The following IRAG2 variants were observed in gnomAD, a reference collection of about 807,000 sequenced individuals.
IRAG2 encodes inositol 1,4,5-triphosphate receptor associated 2, also known as lymphoid restricted membrane protein.
IRAG2 carries 45 observed loss-of-function variants against 69.9 expected under a neutral mutation model. The ratio of observed to expected loss-of-function variants is 0.64; its 90% CI spans 0.51 to 0.83. The LOEUF (loss-of-function observed/expected upper bound fraction) is 0.83, where lower values mean the gene tolerates loss of function less well. Ranked by LOEUF, IRAG2 falls within the 40% of genes least tolerant of loss-of-function variation. The probability of loss-of-function intolerance (pLI) is 0.00; values close to 1 mark genes in which losing one functional copy is unlikely to be tolerated. For missense variants in IRAG2, 520 were observed against 587.0 expected (o/e 0.89, Z 1.18); for synonymous variants, 193 against 202.4 (o/e 0.95, Z 0.40).
chr12:25,044,892 G>C (rs957567649), intron 16 of IRAG2, among the ~76,000 whole-genome samples: 3 of 152,112 alleles, frequency 2.0e-5, no homozygotes, highest in African/African-American at 7.2e-5. Context: ...CAGCAGGCTT[G>C]AATGGCACTA....
At chr12:25,016,375 A>C (rs751327977) in intron 5 of IRAG2, among the ~76,000 whole-genome samples, 1 of 152,228 alleles carries the variant, frequency 6.6e-6, no homozygotes, top group Non-Finnish European at 1.5e-5. Flanking sequence ...TATACAAAAC[A>C]TTAGGAAAGA....
chr12:25,103,608 G>T, intron 17 of IRAG2: 1 of 488,280 alleles, frequency 2.0e-6, no homozygotes, highest in East Asian at 3.4e-5. Context: ...TTGTATATTT[G>T]TTAGATTGGC....
At chr12:25,088,412 T>C (rs1265658529) in intron 11 of IRAG2, among the ~76,000 whole-genome samples, 1 of 152,276 alleles carries the variant, frequency 6.6e-6, no homozygotes, top group African/African-American at 2.4e-5. Context: ...CGAATGTTGG[T>C]AGCAAATGCT....
At chr12:25,094,310 G>A (rs370422435) in intron 14 of IRAG2, among the ~76,000 whole-genome samples, 3 of 151,932 alleles carry the variant, frequency 2.0e-5, no homozygotes, top group East Asian at 1.9e-4. Context: ...TGTGGATATC[G>A]AGTTTTCTCA....
chr12:25,050,453 C>T (rs1251884679), upstream of IRAG2, among the ~76,000 whole-genome samples: 2 of 148,782 alleles, frequency 1.3e-5, no homozygotes, highest in African/African-American at 4.9e-5. Flanking sequence ...CGCTTCAACC[C>T]GGGAGCCAAA....
At chr12:25,080,959 A>G (rs151075671) in intron 9 of IRAG2, among the ~76,000 whole-genome samples, 2 of 152,314 alleles carry the variant, frequency 1.3e-5, no homozygotes, top group African/African-American at 4.8e-5. Context: ...CCTTTTATTC[A>G]CTGGGGCTAC....
upstream of IRAG2, among the ~76,000 whole-genome samples, chr12:25,002,649 C>T (rs696632): frequency 0.38 from 54,675 of 145,128 alleles, 11,408 homozygotes; most frequent in African/African-American, 0.57. Context: ...TTCTTCTTTT[C>T]TTTTTTTTTT....
At chr12:25,106,823 C>T in intron 20 of IRAG2, 120 bp from the exon 21 acceptor site, 1 of 390,332 alleles carries the variant, frequency 2.6e-6, no homozygotes, top group Non-Finnish European at 4.7e-6. Flanking sequence ...ATCGACTTTC[C>T]CTAAAACAGA....
intron 1 of IRAG2, among the ~76,000 whole-genome samples, chr12:25,060,523 A>G (rs1338315010): frequency 6.6e-6 from 1 of 152,078 alleles, no homozygotes; most frequent in East Asian, 1.9e-4. Context: ...AATCGTCTGC[A>G]CATCAGTGTT....
intron 4 of IRAG2, 61 bp downstream of exon 4, chr12:25,063,877 A>G: frequency 2.5e-6 from 1 of 398,924 alleles, no homozygotes; most frequent in African/African-American, 2.1e-5. Context: ...TTTGAAAGGG[A>G]AAATAACTAG....
rs772007665 is a variant in IRAG2, at chr12:25,108,013, T to C, written c.1453T>C (p.Leu485=). The change falls in exon 22 of 22, where the codon TTG becomes CTG. Residue 485 remains leucine (L), a synonymous_variant. Coordinates refer to ENST00000556887, the MANE Select transcript of IRAG2 (RefSeq NM_001366544.2). ...CTCATGGACGTCTCTAGAACATATC[T>C]TGTGGCCATTTACCAGACTCCGACA... is the stretch of plus-strand genomic sequence containing the variant. ...EDSWTSLEHI[L]WPFTRLRHNG... The C allele has an allele frequency of 5.6e-6, 9 of 1,614,074 alleles. No individual in the cohort carries two copies. The highest frequency in any genetic ancestry group is 2.7e-5 in the African/African-American group (2 of 74,946).
At chr12:25,007,236 A>C (rs969952050) in intron 2 of IRAG2, among the ~76,000 whole-genome samples, 3 of 152,220 alleles carry the variant, frequency 2.0e-5, no homozygotes, top group Non-Finnish European at 1.5e-5. Flanking sequence ...TTCATCCACA[A>C]ATATTTCAGT....
At chr12:25,106,870 T>A in intron 20 of IRAG2, 73 bp from the exon 21 acceptor site, 1 of 593,630 alleles carries the variant, frequency 1.7e-6, no homozygotes, top group Non-Finnish European at 2.7e-6. Flanking sequence ...ACAGTAAGAT[T>A]CAGCAATATT....
intron 3 of IRAG2, among the ~76,000 whole-genome samples, chr12:25,012,755 G>A (rs1004621733): frequency 2.0e-5 from 3 of 152,134 alleles, no homozygotes; most frequent in African/African-American, 4.8e-5. Context: ...TTGAACCTGG[G>A]AGGTGGAGGT....
intron 6 of IRAG2, chr12:25,017,351 A>G: frequency 8.3e-7 from 1 of 1,200,958 alleles, no homozygotes; most frequent in Non-Finnish European, 1.0e-6. Context: ...CTTTTTTTAA[A>G]AAACCTTTTA....
At chr12:25,034,441 C>T (rs1224377002) in intron 13 of IRAG2, among the ~76,000 whole-genome samples, 1 of 152,120 alleles carries the variant, frequency 6.6e-6, no homozygotes, top group East Asian at 1.9e-4. Flanking sequence ...CATTTTCTTA[C>T]ATGTGTTTTG....
chr12:25,052,579 G>A, upstream of IRAG2: 1 of 397,356 alleles, frequency 2.5e-6, no homozygotes, highest in Non-Finnish European at 4.4e-6. Context: ...TGCAGAAAGA[G>A]GCAACTTGAC....
chr12:25,021,393 T>C (rs541120119), intron 7 of IRAG2, among the ~76,000 whole-genome samples: 1 of 152,288 alleles, frequency 6.6e-6, no homozygotes, highest in African/African-American at 2.4e-5. Context: ...AAATATCTGA[T>C]ACTAAAAACC....
chr12:25,010,629 T>A (rs1417369462), intron 2 of IRAG2, among the ~76,000 whole-genome samples: 1 of 151,834 alleles, frequency 6.6e-6, no homozygotes, highest in Non-Finnish European at 1.5e-5. Flanking sequence ...GAGTATCTCC[T>A]CCTTCTAATT....
Sources: allele counts gnomAD v4.1 joint callset (sites outside exome capture counted in the v4.1 genomes callset), GRCh38; gene constraint gnomAD v4.1.1; transcripts MANE v1.5; gene names NCBI Gene and HGNC (gene_info 2026-07-23, HGNC 2026-07-21).